Variants in DET1 observed in about 807,000 individuals in gnomAD.
DET1 encodes the protein DET1 partner of COP1 E3 ubiquitin ligase, also known as DET1 homolog.
Under a neutral mutation model 43.7 loss-of-function variants are expected in DET1, and 22 were observed. The observed-to-expected ratio is 0.50, with a 90% CI of 0.36 to 0.72. DET1 has a LOEUF of 0.72. Among genes scored for constraint, DET1 ranks in the 30% least tolerant of loss-of-function variants. The probability of loss-of-function intolerance (pLI) is 0.00; values close to 1 mark genes in which losing one functional copy is unlikely to be tolerated. For missense variants in DET1, 713 were observed against 713.3 expected, an observed-to-expected ratio of 1.00 and a Z score of 0.00; for synonymous variants, 315 against 266.2, an observed-to-expected ratio of 1.18 and a Z score of -1.79.
chr15:88,517,522 G>A (rs1032034209), intron 3 of DET1, among the ~76,000 whole-genome samples: 19 of 151,996 alleles, frequency 1.3e-4, no homozygotes, highest in African/African-American at 4.6e-4. Flanking sequence ...CACCACACCC[G>A]GCCCTACTTT....
chr15:88,544,756 C>T (rs1040615721), intron 1 of DET1, among the ~76,000 whole-genome samples: 7 of 152,078 alleles, frequency 4.6e-5, no homozygotes, highest in African/African-American at 1.7e-4. Context: ...TCGGTCAGGC[C>T]CCTTCTAAAA....
chr15:88,536,004 T>C (rs948712504), intron 1 of DET1, among the ~76,000 whole-genome samples: 9 of 151,908 alleles, frequency 5.9e-5, no homozygotes, highest in South Asian at 2.1e-4. Flanking sequence ...ATAGCTAAAA[T>C]GGAAAAAACT....
At chr15:88,515,843 C>T (rs937593046) in intron 4 of DET1, among the ~76,000 whole-genome samples, 3 of 151,892 alleles carry the variant, frequency 2.0e-5, no homozygotes, top group South Asian at 2.1e-4. Flanking sequence ...GGAGTGGCCA[C>T]GAGCTGGTAA....
At chr15:88,538,926 T>C (rs779079354) in intron 1 of DET1, among the ~76,000 whole-genome samples, 9 of 152,192 alleles carry the variant, frequency 5.9e-5, no homozygotes, top group Non-Finnish European at 1.2e-4. Context: ...GGCATCCCTC[T>C]TTTGACTCAG....
chr15:88,539,633 T>A (rs2057050781), intron 1 of DET1, among the ~76,000 whole-genome samples: 1 of 152,144 alleles, frequency 6.6e-6, no homozygotes, highest in East Asian at 1.9e-4. Context: ...TTCTTCAAGG[T>A]CCTTAGTGCT....
chr15:88,537,739 T>C (rs752937131), intron 1 of DET1, among the ~76,000 whole-genome samples: 3 of 152,212 alleles, frequency 2.0e-5, no homozygotes, highest in Non-Finnish European at 4.4e-5. Context: ...TGGACCTGTC[T>C]AACGGGAAGT....
At chr15:88,520,824 A>C (rs1448417721) in intron 3 of DET1, among the ~76,000 whole-genome samples, 1 of 152,250 alleles carries the variant, frequency 6.6e-6, no homozygotes, top group Non-Finnish European at 1.5e-5. Flanking sequence ...CTTAGGATAC[A>C]TCAGTTGACA....
At chr15:88,510,862 C>A (rs1255821652), downstream of DET1, among the ~76,000 whole-genome samples, 1 of 151,720 alleles carries the variant, frequency 6.6e-6, no homozygotes, top group African/African-American at 2.4e-5. Flanking sequence ...CAAGCCCCAC[C>A]TCCCGGGTTC....
Position 88,530,893 on chromosome 15 carries a change from A to G in DET1, c.813T>C (p.Val271=). 1.9e-6 allele frequency: 3 copies of G among 1,614,016 alleles called. No homozygotes were observed. In the South Asian group the frequency reaches 3.3e-5, roughly 18 times the overall value. ...GACTGTCCCGCTGTACCTCAGGGAAAACAGCTGACACAGTGAGCAGGTCAT... is the reference window on the plus strand; with the variant it reads ...GACTGTCCCGCTGTACCTCAGGGAAGACAGCTGACACAGTGAGCAGGTCAT... ...YEDDLLTVSA[V]FPEVQRDSQT... is the part of the protein sequence containing the mutation. Residue 271 remains valine (V), a synonymous_variant, in exon 2 of 5, where the codon GTT becomes GTC. Coordinates refer to ENST00000268148, the MANE Select transcript of DET1 (RefSeq NM_001144074.3).
At chr15:88,520,259 C>G (rs1263563088) in intron 3 of DET1, among the ~76,000 whole-genome samples, 2 of 152,062 alleles carry the variant, frequency 1.3e-5, no homozygotes, top group East Asian at 3.9e-4. Context: ...GCTAATGCAC[C>G]ACTTTTCAGC....
intron 1 of DET1, among the ~76,000 whole-genome samples, chr15:88,540,977 T>G (rs2057091156): frequency 1.6e-5 from 1 of 64,098 alleles, no homozygotes; most frequent in Non-Finnish European, 2.7e-5. Context: ...CCATAAAGGG[T>G]CTGTGCTGAG....
chr15:88,517,404 T>G (rs1178346067), intron 3 of DET1, among the ~76,000 whole-genome samples: 2 of 152,002 alleles, frequency 1.3e-5, no homozygotes, highest in South Asian at 2.1e-4. Flanking sequence ...TTTTGTATTT[T>G]TTATAGAGAT....
chr15:88,512,030 G>A (rs2056208957), downstream of DET1, among the ~76,000 whole-genome samples: 1 of 152,236 alleles, frequency 6.6e-6, no homozygotes, highest in African/African-American at 2.4e-5. Context: ...GGATGTGGCT[G>A]GGGCCACCAG....
Position 88,531,030 on chromosome 15 carries a change from T to C in DET1, c.676A>G (p.Lys226Glu). Residue 226 changes from lysine (K) to glutamate (E), a missense_variant, in exon 2 of 5, where the codon AAA becomes GAA. By Grantham distance (56) the Lys-to-Glu change is moderately conservative. Transcript: ENST00000268148. The surrounding 1 kb of genome is among the most constrained non-coding windows in gnomAD (Gnocchi z 6.2). ...LSHNQGLYLY[K>E]NILAILSVQQ... ...ACAGACAAGATGGCCAGGATGTTTTTGTACAAGTACAGCCCTTGGTTGTGT... is the reference window on the plus strand; with the variant it reads ...ACAGACAAGATGGCCAGGATGTTTTCGTACAAGTACAGCCCTTGGTTGTGT... 1 of 1,613,640 alleles carries C rather than the reference T, an allele frequency of 6.2e-7. No individual in the cohort carries two copies. Among genetic ancestry groups the C allele is most frequent in the Non-Finnish European group, 8.5e-7 (1 of 1,179,686 alleles).
chr15:88,540,661 TTC>T (rs1426866809), intron 1 of DET1, among the ~76,000 whole-genome samples: 1 of 149,636 alleles, frequency 6.7e-6, no homozygotes, highest in East Asian at 2.0e-4. Flanking sequence ...TGCCTTGAGA[TTC>T]TGTTAATCTA....
chr15:88,517,461 A>G (rs187763896), intron 3 of DET1, among the ~76,000 whole-genome samples: 1 of 152,030 alleles, frequency 6.6e-6, no homozygotes, highest in African/African-American at 2.4e-5. Context: ...CCTGGGTTCA[A>G]CTGATCTGCC....
intron 3 of DET1, among the ~76,000 whole-genome samples, chr15:88,527,159 T>A (rs1002306386): frequency 1.1e-4 from 17 of 152,248 alleles, no homozygotes; most frequent in Non-Finnish European, 2.1e-4. Flanking sequence ...AACAAAGAGT[T>A]CTATACTTTG....
chr15:88,530,667 T>G lies in DET1; in HGVS notation c.1039A>C (p.Thr347Pro). Residue 347 changes from threonine to proline, a missense_variant, in exon 2 of 5, where the codon ACT becomes CCT. Coordinates refer to ENST00000268148, the MANE Select transcript of DET1 (RefSeq NM_001144074.3). ...CGCAGTGTTACTACATCCTCACTAG[T>G]GTACTTGATAAACAGGTGGTTTTCA... Reference protein sequence around the residue: ...LDENHLFIKYTSEDVVTLRVT... With the variant: ...LDENHLFIKYPSEDVVTLRVT... The G allele has an allele frequency of 6.2e-7, 1 of 1,613,544 alleles. No homozygotes were observed. Among genetic ancestry groups the G allele is most frequent in the Non-Finnish European group, 8.5e-7 (1 of 1,179,640 alleles).
chr15:88,524,419 G>A (rs1368148896), intron 3 of DET1, among the ~76,000 whole-genome samples: 3 of 152,188 alleles, frequency 2.0e-5, no homozygotes, highest in Admixed American at 6.5e-5. Flanking sequence ...TCTGGGAAGT[G>A]AGGAGCCCCT....
Sources: gnomAD v4.1 joint callset for allele counts (sites outside exome capture counted in the v4.1 genomes callset) on GRCh38, gnomAD v4.1.1 for gene constraint, Gnocchi (gnomAD v3.1) non-coding constraint, MANE v1.5 for transcripts, NCBI Gene and HGNC (gene_info 2026-07-23, HGNC 2026-07-21) for gene names.